Variants in SPAG16 observed in about 807,000 individuals in gnomAD.
SPAG16 encodes the protein sperm-associated antigen 16 protein.
SPAG16 carries 86 observed loss-of-function variants against 80.4 expected under a neutral mutation model. The observed-to-expected ratio is 1.07, with a 90% CI of 0.90 to 1.28. SPAG16 has a LOEUF of 1.28. Ranked by LOEUF, SPAG16 falls within the 50% of genes most tolerant of loss-of-function variation. The pLI, the probability that SPAG16 is intolerant of heterozygous loss-of-function variation, is 0.00. For synonymous variants in SPAG16, 294 were observed against 265.9 expected (o/e 1.11, Z -1.03); for missense variants, 870 against 765.3 (o/e 1.14, Z -1.61).
At chr2:213,753,322 A>G (rs552343505) in intron 10 of SPAG16, among the ~76,000 whole-genome samples, 1 of 152,144 alleles carries the variant, frequency 6.6e-6, no homozygotes, top group African/African-American at 2.4e-5. Context: ...TATTTTTTCA[A>G]TCTTATGCTA....
chr2:213,847,619 G>A (rs186241876), intron 10 of SPAG16, among the ~76,000 whole-genome samples: 151 of 152,278 alleles, frequency 9.9e-4, no homozygotes, highest in Middle Eastern at 3.4e-3. Flanking sequence ...CCCACCTTCA[G>A]TATTGGGATT....
chr2:214,158,075 A>G (rs182385158), intron 15 of SPAG16, among the ~76,000 whole-genome samples: 1 of 152,224 alleles, frequency 6.6e-6, no homozygotes, highest in Admixed American at 6.5e-5. Flanking sequence ...GATTTGTAAT[A>G]TGAAATTGAG....
intron 10 of SPAG16, among the ~76,000 whole-genome samples, chr2:213,494,498 A>G (rs1219227632): frequency 6.6e-6 from 1 of 152,154 alleles, no homozygotes; most frequent in African/African-American, 2.4e-5. Context: ...TAAATCTACC[A>G]GAAAGTCTGA....
At chr2:214,307,699 C>G (rs116640502) in intron 15 of SPAG16, among the ~76,000 whole-genome samples, 35,236 of 151,812 alleles carry the variant, frequency 0.23, 4,254 homozygotes, top group East Asian at 0.34. Context: ...GTAATTGTAT[C>G]TTTTTGAGCA....
intron 15 of SPAG16, among the ~76,000 whole-genome samples, chr2:214,183,176 C>A (rs928257402): frequency 6.6e-6 from 1 of 151,964 alleles, no homozygotes; most frequent in African/African-American, 2.4e-5. Flanking sequence ...ATCCATACAT[C>A]TACTACATAT....
At chr2:213,814,464 G>A (rs897095234) in intron 10 of SPAG16, among the ~76,000 whole-genome samples, 1 of 152,158 alleles carries the variant, frequency 6.6e-6, no homozygotes, top group Non-Finnish European at 1.5e-5. Context: ...CCATCACAAT[G>A]GTCAGTATCA....
At chr2:214,008,474 G>A (rs116005979) in intron 12 of SPAG16, among the ~76,000 whole-genome samples, 3,805 of 152,116 alleles carry the variant, frequency 0.025, 159 homozygotes, top group African/African-American at 0.087. Context: ...GCTGGGTGTA[G>A]TGGCTCACGC....
intron 14 of SPAG16, among the ~76,000 whole-genome samples, chr2:214,118,487 C>A (rs574363747): frequency 6.6e-6 from 1 of 152,142 alleles, no homozygotes; most frequent in East Asian, 1.9e-4. Flanking sequence ...CTCACAGTTC[C>A]ACATCGTTGG....
intron 11 of SPAG16, among the ~76,000 whole-genome samples, chr2:213,908,553 A>G (rs2077521369): frequency 6.6e-6 from 1 of 152,092 alleles, no homozygotes; most frequent in Non-Finnish European, 1.5e-5. Context: ...TCTTTCCTTA[A>G]CGCTGAAATC....
Position 213,287,241 on chromosome 2 carries a change from C to T in SPAG16, c.136+2622C>T, listed in dbSNP as rs892899962. Among the ~76,000 whole-genome samples the T allele has an allele frequency of 3.3e-5, 5 of 152,274 alleles. No individual in the cohort carries two copies. The East Asian group carries it at 9.6e-4, about 29-fold the overall frequency. On this transcript the variant is annotated intron_variant, in intron 1 of 15. Coordinates refer to ENST00000331683, the MANE Select transcript of SPAG16 (RefSeq NM_024532.5). ...TATGTAAAGGGTCAAGTAGGTATCT[C>T]CAGAACCTAGAAAGAAGGTTGATTG...
At position 213,899,462 on chromosome 2, in the gene SPAG16, A is replaced by C. The variant is rs547070438; in HGVS notation, c.1215-30498A>C. On this transcript the variant is annotated intron_variant, in intron 11 of 15. Coordinates refer to ENST00000331683, the MANE Select transcript of SPAG16 (RefSeq NM_024532.5). ...GACTGCATGATAAAATTATAAAATC[A>C]ATAGAATATTAGTAGAAAAAATTAA... 3.9e-5 allele frequency among the ~76,000 whole-genome samples: 6 copies of C among 152,260 alleles called. No homozygotes were observed. In the South Asian group the frequency reaches 1.2e-3, roughly 32 times the overall value.
chr2:213,754,134 A>G (rs1024663918), intron 10 of SPAG16, among the ~76,000 whole-genome samples: 12 of 152,170 alleles, frequency 7.9e-5, no homozygotes, highest in East Asian at 3.8e-4. Flanking sequence ...ATCAAATCCA[A>G]TAATCTCTGT....
chr2:213,766,510 AG>A (rs2068946966), intron 10 of SPAG16, among the ~76,000 whole-genome samples: 1 of 152,218 alleles, frequency 6.6e-6, no homozygotes, highest in Admixed American at 6.5e-5. Flanking sequence ...AGCTGATGAA[AG>A]CCACAAGTCG....
At chr2:213,579,013 A>G (rs763539596) in intron 10 of SPAG16, among the ~76,000 whole-genome samples, 16 of 152,106 alleles carry the variant, frequency 1.1e-4, no homozygotes, top group Non-Finnish European at 1.9e-4. Flanking sequence ...TTGTTTTAAG[A>G]TAATACAGTA....
intron 10 of SPAG16, among the ~76,000 whole-genome samples, chr2:213,763,191 T>C (rs2068753016): frequency 6.6e-6 from 1 of 151,586 alleles, no homozygotes; most frequent in African/African-American, 2.4e-5. Flanking sequence ...GAATGTAAAA[T>C]AGTGTAGCCT....
chr2:214,187,153 T>G (rs976515056), intron 15 of SPAG16, among the ~76,000 whole-genome samples: 2 of 152,120 alleles, frequency 1.3e-5, no homozygotes, highest in Admixed American at 1.3e-4. Context: ...GGGCGTACTC[T>G]CATTTGCAAA....
intron 10 of SPAG16, among the ~76,000 whole-genome samples, chr2:213,616,001 T>G (rs2061582375): frequency 6.6e-6 from 1 of 152,202 alleles, no homozygotes; most frequent in African/African-American, 2.4e-5. Context: ...ATGGCACATG[T>G]ATACCTACGT....
At chr2:213,329,958 C>G (rs1310455037) in intron 5 of SPAG16, among the ~76,000 whole-genome samples, 1 of 152,208 alleles carries the variant, frequency 6.6e-6, no homozygotes, top group Admixed American at 6.5e-5. Context: ...GATCGAAACC[C>G]AAAGCCTTGG....
chr2:214,363,281 T>C (rs527247473), intron 15 of SPAG16, among the ~76,000 whole-genome samples: 2 of 151,936 alleles, frequency 1.3e-5, no homozygotes, highest in African/African-American at 4.8e-5. Context: ...CCTGCTATCA[T>C]CCTCAAAAAT....
Sources: gnomAD v4.1 joint callset for allele counts (sites outside exome capture counted in the v4.1 genomes callset) on GRCh38, gnomAD v4.1.1 for gene constraint, MANE v1.5 for transcripts, NCBI Gene and HGNC (gene_info 2026-07-23, HGNC 2026-07-21) for gene names.